The following PRKACB variants were observed in gnomAD, a reference collection of about 807,000 sequenced individuals.
PRKACB encodes the protein protein kinase cAMP-activated catalytic subunit beta, also known as cAMP-dependent protein kinase catalytic subunit beta.
A neutral mutation model predicts 51.4 loss-of-function variants in PRKACB; 16 were observed. That is an observed-to-expected ratio of 0.31 (90% CI 0.21 to 0.47). The LOEUF (loss-of-function observed/expected upper bound fraction) is 0.47. Among genes scored for constraint, PRKACB ranks in the 20% least tolerant of loss-of-function variants. The pLI, the probability that PRKACB is intolerant of heterozygous loss-of-function variation, is 1.00. For synonymous variants in PRKACB, 147 were observed against 154.4 expected (o/e 0.95, Z 0.35); for missense variants, 309 against 464.5 (o/e 0.67, Z 3.08).
At chr1:84,206,148 T>C (rs1206504277) in intron 8 of PRKACB, among the ~76,000 whole-genome samples, 2 of 152,194 alleles carry the variant, frequency 1.3e-5, no homozygotes, top group Non-Finnish European at 2.9e-5. Flanking sequence ...AGCCCTTGGC[T>C]TATGTAATTT....
intron 1 of PRKACB, among the ~76,000 whole-genome samples, chr1:84,119,743 A>C (rs1289694871): frequency 2.6e-5 from 4 of 152,180 alleles, no homozygotes; most frequent in African/African-American, 4.8e-5. Context: ...ACACACATAC[A>C]TAGGCACACA....
At chr1:84,180,870 C>A (rs2100978809) in intron 2 of PRKACB, among the ~76,000 whole-genome samples, 1 of 151,982 alleles carries the variant, frequency 6.6e-6, no homozygotes, top group Middle Eastern at 3.4e-3. Context: ...GCATAAAGAG[C>A]AGAAACACAT....
At chr1:84,110,927 A>T (rs561482205) in intron 1 of PRKACB, among the ~76,000 whole-genome samples, 2 of 151,956 alleles carry the variant, frequency 1.3e-5, no homozygotes, top group South Asian at 4.2e-4. Context: ...CTTGTCTTCT[A>T]CCTCTCCTTG....
rs149406974 is a variant in PRKACB, at chr1:84,149,159, A to G, written c.187+4611A>G. 2.3e-3 allele frequency among the ~76,000 whole-genome samples: 344 copies of G among 152,334 alleles called. 1 individual carries two copies. The highest frequency in any genetic ancestry group is 0.01 in the Middle Eastern group (3 of 294). On this transcript the variant is annotated intron_variant, in intron 1 of 9. Coordinates refer to ENST00000370685, the MANE Select transcript of PRKACB (RefSeq NM_182948.4). ...AAATTTTGAAACTACAGGAAAAAAC[A>G]AAAAGGTAAAAAAAAGTATACATAA...
intron 1 of PRKACB, chr1:84,086,021 G>A (rs1248868338): frequency 7.3e-6 from 6 of 819,282 alleles, no homozygotes; most frequent in African/African-American, 3.3e-5. Flanking sequence ...CAAGATCCTG[G>A]GGCTGAGGTT....
Position 84,235,958 on chromosome 1 carries a change from C to T in PRKACB, c.*653C>T, listed in dbSNP as rs1676624799. Reference sequence around the variant, plus strand: ...GGCTGTAGATCAGAGGTTCTAGTTCCCTTTCCCTCCTTTTATATCCTCCTC... The same window carrying T: ...GGCTGTAGATCAGAGGTTCTAGTTCTCTTTCCCTCCTTTTATATCCTCCTC... On this transcript the variant is annotated 3_prime_UTR_variant, in exon 10 of 10. Coordinates refer to ENST00000370685, the MANE Select transcript of PRKACB (RefSeq NM_182948.4). 1 of 152,542 alleles carries T rather than the reference C, an allele frequency of 6.6e-6. No individual in the cohort carries two copies. The highest frequency in any genetic ancestry group is 6.6e-5 in the Admixed American group (1 of 15,266). 9.4% of individuals were successfully genotyped at this position (152,542 alleles called of 1,614,324 possible).
intron 5 of PRKACB, among the ~76,000 whole-genome samples, chr1:84,191,628 G>A (rs1402441320): frequency 2.0e-5 from 3 of 152,066 alleles, no homozygotes. Context: ...GCTAAACGTT[G>A]AGTGTACGTG....
intron 1 of PRKACB, among the ~76,000 whole-genome samples, chr1:84,095,190 C>T (rs1222997483): frequency 1.3e-5 from 2 of 151,048 alleles, no homozygotes; most frequent in Admixed American, 1.3e-4. Flanking sequence ...AACACTCCAT[C>T]ATGCATTATT....
intron 1 of PRKACB, among the ~76,000 whole-genome samples, chr1:84,079,266 T>C (rs1031175372): frequency 1.6e-4 from 24 of 152,350 alleles, no homozygotes; most frequent in African/African-American, 5.5e-4. Flanking sequence ...CATATATTTT[T>C]ATAATTCAGA....
chr1:84,164,582 A>G (rs1271144810), intron 1 of PRKACB: 8 of 1,378,306 alleles, frequency 5.8e-6, no homozygotes, highest in Non-Finnish European at 7.7e-6. Context: ...TAGAAAAGCT[A>G]CGCCTTGGAT....
At chr1:84,093,832 A>G (rs932010310) in intron 1 of PRKACB, among the ~76,000 whole-genome samples, 5 of 151,916 alleles carry the variant, frequency 3.3e-5, no homozygotes, top group Non-Finnish European at 7.4e-5. Flanking sequence ...ATAATTTTAA[A>G]AATTACATTT....
At chr1:84,187,112 T>C (rs914372575) in intron 5 of PRKACB, among the ~76,000 whole-genome samples, 1 of 152,190 alleles carries the variant, frequency 6.6e-6, no homozygotes, top group Admixed American at 6.5e-5. Flanking sequence ...TGGTGAGACC[T>C]GCTATAGCCA....
intron 5 of PRKACB, among the ~76,000 whole-genome samples, chr1:84,187,847 T>G (rs1253400588): frequency 6.6e-6 from 1 of 152,168 alleles, no homozygotes; most frequent in Non-Finnish European, 1.5e-5. Context: ...TAGATTTTCC[T>G]TACAGTCTTG....
chr1:84,187,545 G>C (rs1221654090), intron 5 of PRKACB, among the ~76,000 whole-genome samples: 1 of 152,116 alleles, frequency 6.6e-6, no homozygotes, highest in Non-Finnish European at 1.5e-5. Context: ...TCAGGCATGA[G>C]ACTTGTTTCT....
intron 1 of PRKACB, among the ~76,000 whole-genome samples, chr1:84,161,877 A>G (rs896075498): frequency 4.6e-5 from 7 of 151,950 alleles, no homozygotes; most frequent in Non-Finnish European, 1.0e-4. Context: ...ATGTGTATTT[A>G]TATAGCCTTT....
chr1:84,093,510 A>C (rs1648682688), intron 1 of PRKACB, among the ~76,000 whole-genome samples: 1 of 152,054 alleles, frequency 6.6e-6, no homozygotes, highest in Non-Finnish European at 1.5e-5. Context: ...GCATGAATTC[A>C]TATAACTTTA....
At chr1:84,151,185 A>T (rs879774805) in intron 1 of PRKACB, among the ~76,000 whole-genome samples, 5 of 152,178 alleles carry the variant, frequency 3.3e-5, no homozygotes, top group Non-Finnish European at 7.3e-5. Context: ...AAAGCAAGTC[A>T]CACATTTTTT....
At chr1:84,148,024 A>G (rs12118723) in intron 1 of PRKACB, among the ~76,000 whole-genome samples, 75,753 of 151,968 alleles carry the variant, frequency 0.5, 19,377 homozygotes, top group Non-Finnish European at 0.56. Context: ...TTTACTACAG[A>G]GAAATGTGTA....
upstream of PRKACB, among the ~76,000 whole-genome samples, chr1:84,140,825 A>G (rs1653328212): frequency 6.6e-6 from 1 of 152,152 alleles, no homozygotes; most frequent in Non-Finnish European, 1.5e-5. Context: ...TTGCAGTACA[A>G]GAAACCCTGA....
Sources: gnomAD v4.1 joint callset for allele counts (sites outside exome capture counted in the v4.1 genomes callset) on GRCh38, gnomAD v4.1.1 for gene constraint, MANE v1.5 for transcripts, NCBI Gene and HGNC (gene_info 2026-07-23, HGNC 2026-07-21) for gene names.